Variants in LOC128706665 observed in about 807,000 individuals in gnomAD.
chr20:10,420,533 G>T, the LOC128706665 span: 1 of 152,190 alleles, frequency 6.6e-6, no homozygotes, highest in Non-Finnish European at 1.5e-5. Flanking sequence ...CTTACCTGAA[G>T]ATTGCAAGCC....
At chr20:10,423,609 AC>A in the LOC128706665 span, among the ~76,000 whole-genome samples, 1 of 152,124 alleles carries the variant, frequency 6.6e-6, no homozygotes, top group Non-Finnish European at 1.5e-5. Context: ...CATAGTATGA[AC>A]CCTCTTTGAG....
At chr20:10,422,553 C>G in the LOC128706665 span, among the ~76,000 whole-genome samples, 1 of 152,066 alleles carries the variant, frequency 6.6e-6, no homozygotes, top group African/African-American at 2.4e-5. Context: ...GAGGCTGCAC[C>G]AAAGGTCAGC....
chr20:10,419,094 A>G, the LOC128706665 span, among the ~76,000 whole-genome samples: 3 of 152,176 alleles, frequency 2.0e-5, no homozygotes, highest in South Asian at 6.2e-4. Context: ...TAATTATACC[A>G]AAAGTCAAAA....
the LOC128706665 span, among the ~76,000 whole-genome samples, chr20:10,425,053 CAAAAA>C: frequency 8.2e-6 from 1 of 122,320 alleles, no homozygotes; most frequent in Non-Finnish European, 1.8e-5. Flanking sequence ...AACTCCGTCT[CAAAAA>C]AAAAAAAAGA....
chr20:10,422,892 T>TC, the LOC128706665 span, among the ~76,000 whole-genome samples: 1 of 152,054 alleles, frequency 6.6e-6, no homozygotes, highest in South Asian at 2.1e-4. Context: ...TTTGTATTTT[T>TC]AGTAGAGACA....
At chr20:10,431,125 C>A in the LOC128706665 span, among the ~76,000 whole-genome samples, 4 of 152,064 alleles carry the variant, frequency 2.6e-5, no homozygotes, top group Non-Finnish European at 5.9e-5. Context: ...GCAGCCATTA[C>A]TTTTATTGGG....
the LOC128706665 span, among the ~76,000 whole-genome samples, chr20:10,423,625 G>A: frequency 2.2e-4 from 34 of 152,298 alleles, no homozygotes; most frequent in African/African-American, 7.5e-4. Context: ...TTTGAGAAGA[G>A]TGAAAATTAT....
the LOC128706665 span, among the ~76,000 whole-genome samples, chr20:10,424,853 A>T: frequency 6.6e-6 from 1 of 152,042 alleles, no homozygotes; most frequent in African/African-American, 2.4e-5. Context: ...GGAGTTTGAG[A>T]CCAGTCTGGC....
At chr20:10,415,345 G>A in the LOC128706665 span, among the ~76,000 whole-genome samples, 1 of 152,158 alleles carries the variant, frequency 6.6e-6, no homozygotes, top group African/African-American at 2.4e-5. Flanking sequence ...ATGGTGATCA[G>A]ACCAAAACCT....
At chr20:10,433,786 G>C in the LOC128706665 span, among the ~76,000 whole-genome samples, 1 of 152,168 alleles carries the variant, frequency 6.6e-6, no homozygotes, top group African/African-American at 2.4e-5. Flanking sequence ...GGGACGGGGA[G>C]TCACAGGTTC....
At chr20:10,422,387 A>C in the LOC128706665 span, among the ~76,000 whole-genome samples, 1 of 152,230 alleles carries the variant, frequency 6.6e-6, no homozygotes, top group African/African-American at 2.4e-5. Flanking sequence ...TTTAGAGGGA[A>C]TCAATTACAA....
the LOC128706665 span, among the ~76,000 whole-genome samples, chr20:10,418,766 C>CT: frequency 6.6e-6 from 1 of 152,058 alleles, no homozygotes; most frequent in East Asian, 1.9e-4. Context: ...GTTAAGACAT[C>CT]TTTTTGTTCT....
At chr20:10,427,668 T>C in the LOC128706665 span, among the ~76,000 whole-genome samples, 6 of 152,234 alleles carry the variant, frequency 3.9e-5, no homozygotes, top group Non-Finnish European at 5.9e-5. Flanking sequence ...TCTTCAACTG[T>C]GCTATGAAAT....
chr20:10,430,117 G>A, the LOC128706665 span, among the ~76,000 whole-genome samples: 3 of 152,334 alleles, frequency 2.0e-5, no homozygotes, highest in Admixed American at 2.0e-4. Context: ...TGACTAGAGT[G>A]AAATCTAAAT....
chr20:10,417,577 T>C, the LOC128706665 span, among the ~76,000 whole-genome samples: 1 of 152,118 alleles, frequency 6.6e-6, no homozygotes, highest in Non-Finnish European at 1.5e-5. Flanking sequence ...GTTACTGCAC[T>C]GTAGCCTGGG....
chr20:10,426,824 A>G, the LOC128706665 span, among the ~76,000 whole-genome samples: 3 of 152,330 alleles, frequency 2.0e-5, no homozygotes, highest in South Asian at 6.2e-4. Flanking sequence ...AGAGGGCAAA[A>G]GAGTCTATAT....
the LOC128706665 span, among the ~76,000 whole-genome samples, chr20:10,432,727 C>T: frequency 7.9e-6 from 1 of 126,982 alleles, no homozygotes; most frequent in South Asian, 2.7e-4. Context: ...ACCCGGGAGG[C>T]GGAGGTTGCA....
the LOC128706665 span, chr20:10,434,164 G>C: frequency 6.6e-6 from 1 of 152,302 alleles, no homozygotes; most frequent in African/African-American, 2.4e-5. Flanking sequence ...CCCAGAAACA[G>C]ATCTCAAGCA....
chr20:10,431,842 ATTC>A, the LOC128706665 span: 1 of 152,218 alleles, frequency 6.6e-6, no homozygotes, highest in Non-Finnish European at 1.5e-5. Flanking sequence ...AGGATGGCTT[ATTC>A]TTCTGCTTCA....
Sources: gnomAD v4.1 joint callset for allele counts (sites outside exome capture counted in the v4.1 genomes callset) on GRCh38, gnomAD v4.1.1 for gene constraint, MANE v1.5 for transcripts.